Variants in SLC25A48 observed in about 807,000 individuals in gnomAD.
SLC25A48 encodes the protein CTC-321K16.1.
A neutral mutation model predicts 32.2 loss-of-function variants in SLC25A48; 29 were observed. That is an observed-to-expected ratio of 0.90 (90% CI 0.67 to 1.23). SLC25A48 has a LOEUF of 1.23. Among genes scored for constraint, SLC25A48 ranks in the 50% most tolerant of loss-of-function variants. The pLI is 0.00. For synonymous variants in SLC25A48, 164 were observed against 172.3 expected, an observed-to-expected ratio of 0.95 and a Z score of 0.38; for missense variants, 399 against 422.7, an observed-to-expected ratio of 0.94 and a Z score of 0.49.
chr5:135,632,531 G>A (rs1327268701), intron 2 of SLC25A48, among the ~76,000 whole-genome samples: 2 of 152,156 alleles, frequency 1.3e-5, no homozygotes, highest in Non-Finnish European at 2.9e-5. Context: ...AACAGAATGG[G>A]TGTACAAAGT....
intron 2 of SLC25A48, among the ~76,000 whole-genome samples, chr5:135,630,075 C>T (rs1320355147): frequency 1.3e-5 from 2 of 152,160 alleles, no homozygotes; most frequent in African/African-American, 4.8e-5. Context: ...TTACCCGCAG[C>T]TTAGGAAGGG....
At chr5:135,615,053 CA>C (rs1236967193) in intron 1 of SLC25A48, among the ~76,000 whole-genome samples, 1 of 152,192 alleles carries the variant, frequency 6.6e-6, no homozygotes, top group African/African-American at 2.4e-5. Context: ...AACTGTGAGC[CA>C]ACTAAACCTC....
intron 1 of SLC25A48, among the ~76,000 whole-genome samples, chr5:135,841,877 G>C (rs1053929933): frequency 3.3e-5 from 5 of 152,196 alleles, no homozygotes; most frequent in Non-Finnish European, 7.3e-5. Flanking sequence ...CATGCAGGAA[G>C]AGGCAGGTCA....
At chr5:135,791,548 G>A (rs1757031310) in intron 3 of SLC25A48, among the ~76,000 whole-genome samples, 1 of 151,560 alleles carries the variant, frequency 6.6e-6, no homozygotes, top group Non-Finnish European at 1.5e-5. Context: ...TAATATCCTA[G>A]GAGTATGTTA....
chr5:135,793,680 G>T (rs1240847922), intron 3 of SLC25A48, among the ~76,000 whole-genome samples: 2 of 150,458 alleles, frequency 1.3e-5, no homozygotes, highest in Non-Finnish European at 3.0e-5. Flanking sequence ...GTACATCCTG[G>T]GTTTATTATT....
intron 3 of SLC25A48, among the ~76,000 whole-genome samples, chr5:135,774,684 T>G (rs750675788): frequency 4.0e-5 from 6 of 151,646 alleles, no homozygotes; most frequent in Non-Finnish European, 8.8e-5. Flanking sequence ...GATCCTGTAC[T>G]ATTGTTCCCA....
chr5:135,670,631 C>A (rs1753634040), intron 3 of SLC25A48, among the ~76,000 whole-genome samples: 1 of 152,206 alleles, frequency 6.6e-6, no homozygotes, highest in Admixed American at 6.5e-5. Context: ...AGTGCATGTT[C>A]AGTGCTTTGC....
At chr5:135,778,546 A>G (rs973480367) in intron 3 of SLC25A48, among the ~76,000 whole-genome samples, 25 of 151,256 alleles carry the variant, frequency 1.7e-4, no homozygotes, top group African/African-American at 6.1e-4. Context: ...CCATCCTGTA[A>G]TATTGTTTTT....
intron 3 of SLC25A48, among the ~76,000 whole-genome samples, chr5:135,789,272 G>T (rs1433444941): frequency 6.7e-6 from 1 of 149,140 alleles, no homozygotes; most frequent in Non-Finnish European, 1.5e-5. Context: ...GGCAGGGGGT[G>T]TACACCCCCT....
At chr5:135,850,328 G>A in intron 2 of SLC25A48, 97 bp from the exon 3 acceptor site, 1 of 1,238,842 alleles carries the variant, frequency 8.1e-7, no homozygotes. Context: ...TGCTGGCGGG[G>A]GTCACTATGA....
chr5:135,820,242 C>G (rs1328533595), intron 4 of SLC25A48, among the ~76,000 whole-genome samples: 1 of 152,152 alleles, frequency 6.6e-6, no homozygotes, highest in Non-Finnish European at 1.5e-5. Context: ...AAGGAGCAAA[C>G]TGTACCACAA....
At chr5:135,837,624 C>CAAA (rs1416371426) in intron 1 of SLC25A48, among the ~76,000 whole-genome samples, 6 of 152,166 alleles carry the variant, frequency 3.9e-5, no homozygotes, top group Non-Finnish European at 5.9e-5. Context: ...ACAGGCTTTC[C>CAAA]CATGCTGTTC....
At chr5:135,806,801 ATATTT>A (rs1017538648) in intron 3 of SLC25A48, among the ~76,000 whole-genome samples, 1 of 150,072 alleles carries the variant, frequency 6.7e-6, no homozygotes, top group Non-Finnish European at 1.5e-5. Flanking sequence ...AAATATCATT[ATATTT>A]TATTATTATT....
intron 5 of SLC25A48, among the ~76,000 whole-genome samples, chr5:135,873,292 T>C (rs535891600): frequency 7.2e-5 from 11 of 152,322 alleles, no homozygotes; most frequent in Admixed American, 5.9e-4. Flanking sequence ...CAATTTGTTT[T>C]TCTCTCCCCA....
intron 3 of SLC25A48, among the ~76,000 whole-genome samples, chr5:135,745,972 A>G (rs564924029): frequency 1.3e-5 from 2 of 152,246 alleles, no homozygotes; most frequent in South Asian, 4.2e-4. Context: ...CTCTTAATTA[A>G]TGTCCCTTCT....
At chr5:135,843,684 G>A (rs1416839665) in intron 2 of SLC25A48, among the ~76,000 whole-genome samples, 2 of 152,200 alleles carry the variant, frequency 1.3e-5, no homozygotes, top group Admixed American at 6.5e-5. Context: ...GCAGAACTGA[G>A]GTCAGAGTGC....
intron 4 of SLC25A48, among the ~76,000 whole-genome samples, chr5:135,869,801 G>A (rs1490638391): frequency 6.6e-6 from 1 of 152,194 alleles, no homozygotes; most frequent in Non-Finnish European, 1.5e-5. Flanking sequence ...TGCCCCCAAA[G>A]GTGGCTACTA....
chr5:135,744,025 CCT>C (rs1273601499), intron 3 of SLC25A48, among the ~76,000 whole-genome samples: 15 of 152,322 alleles, frequency 9.8e-5, no homozygotes, highest in African/African-American at 2.9e-4. Flanking sequence ...CCTCTCCTAC[CCT>C]GAGACATCTA....
intron 3 of SLC25A48, among the ~76,000 whole-genome samples, chr5:135,753,133 G>A (rs1755809288): frequency 6.6e-6 from 1 of 151,896 alleles, no homozygotes; most frequent in African/African-American, 2.4e-5. Context: ...ATATCACAGG[G>A]GGTGTACAGA....
Sources: allele counts gnomAD v4.1 joint callset (sites outside exome capture counted in the v4.1 genomes callset), GRCh38; gene constraint gnomAD v4.1.1; transcripts MANE v1.5; gene names NCBI Gene and HGNC (gene_info 2026-07-23, HGNC 2026-07-21).